ELOVL3: variants seen among roughly 807,000 people sequenced by gnomAD.
The protein encoded by ELOVL3 is ELOVL fatty acid elongase 3, also known as very long chain fatty acid elongase 3.
In ELOVL3, 11 loss-of-function variants were observed where a neutral mutation model predicts 14.9. The observed-to-expected ratio is 0.74, with a 90% CI of 0.46 to 1.22. ELOVL3 has a LOEUF of 1.22. Among genes scored for constraint, ELOVL3 ranks in the 50% most tolerant of loss-of-function variants. The pLI, the probability that ELOVL3 is intolerant of heterozygous loss-of-function variation, is 0.00. For missense variants in ELOVL3, 277 were observed against 338.9 expected (o/e 0.82, Z 1.43); for synonymous variants, 117 against 124.7 (o/e 0.94, Z 0.41).
chr10:102,228,953 A>C lies in ELOVL3; in HGVS notation c.514A>C (p.Thr172Pro). Residue 172 changes from threonine to proline, a missense_variant, in exon 4 of 4, where the codon ACC (threonine) becomes CCC (proline). By Grantham distance (38) the Thr-to-Pro change is conservative (BLOSUM62 -1). Transcript: ENST00000370005. ...AGTGCCTGCAGGAGGCTGGTTCGTC[A>C]CCATGAACTTTGGTGTTCATGCCAT... ...NKVPAGGWFV[T>P]MNFGVHAIMY... 1 of 1,614,164 alleles carries C rather than the reference A, an allele frequency of 6.2e-7. No individual in the cohort carries two copies. The highest frequency in any genetic ancestry group is 8.5e-7 in the Non-Finnish European group (1 of 1,180,024).
chr10:102,228,754 G>A, intron 3 of ELOVL3, 71 bp from the exon 4 acceptor site: 1 of 1,493,534 alleles, frequency 6.7e-7, no homozygotes, highest in Non-Finnish European at 9.1e-7. Flanking sequence ...TTTCTCCCGT[G>A]TCCCTACATC....
Sources: gnomAD v4.1 joint callset for allele counts on GRCh38, gnomAD v4.1.1 for gene constraint, MANE v1.5 for transcripts, NCBI Gene and HGNC (gene_info 2026-07-23, HGNC 2026-07-21) for gene names.